PRKN: variants seen among roughly 807,000 people sequenced by gnomAD.
PRKN encodes parkin RBR E3 ubiquitin protein ligase, also known as E3 ubiquitin-protein ligase parkin.
Under a neutral mutation model 59.5 loss-of-function variants are expected in PRKN, and 56 were observed. The observed-to-expected ratio is 0.94, with a 90% CI of 0.76 to 1.18. The LOEUF is 1.18. Ranked by LOEUF, PRKN falls within the 50% of genes most tolerant of loss-of-function variation. The pLI, the probability that PRKN is intolerant of heterozygous loss-of-function variation, is 0.00. For synonymous variants in PRKN, 250 were observed against 222.1 expected, an observed-to-expected ratio of 1.13 and a Z score of -1.12; for missense variants, 657 against 596.4, an observed-to-expected ratio of 1.10 and a Z score of -1.06.
rs897082302 is a variant in PRKN at position 161,526,086 on chromosome 6, A to G, written c.1083+22768T>C. Among the ~76,000 whole-genome samples the G allele has an allele frequency of 6.6e-6, 1 of 152,210 alleles. No homozygotes were observed. The highest frequency in any genetic ancestry group is 1.5e-5 in the Non-Finnish European group (1 of 68,044). On this transcript the variant is annotated intron_variant, in intron 9 of 11. Transcript: ENST00000366898. This position sits in a 1 kb window ranked among gnomAD's most constrained non-coding sequence, Gnocchi z 4.1. ...AATACAATTAAATGATCACTCACAT[A>G]TAATAGTGGGCTGATAAACCAGCTC...
chr6:161,665,810 C>T (rs945053317), intron 7 of PRKN, among the ~76,000 whole-genome samples: 4 of 152,298 alleles, frequency 2.6e-5, no homozygotes, highest in East Asian at 3.9e-4. Flanking sequence ...TTGTGTGAAA[C>T]GCTGAACTGA....
chr6:161,515,377 A>C (rs1385962676), intron 9 of PRKN, among the ~76,000 whole-genome samples: 1 of 152,204 alleles, frequency 6.6e-6, no homozygotes, highest in African/African-American at 2.4e-5. Flanking sequence ...CCATGTACAT[A>C]TATTTTTGTA....
At chr6:161,426,676 C>CACACACACACACACACACAT (rs11271613) in intron 9 of PRKN, among the ~76,000 whole-genome samples, 18,155 of 142,558 alleles carry the variant, frequency 0.13, 1,500 homozygotes, top group Non-Finnish European at 0.16. Context: ...CACACACACA[C>CACACACACACACACACACAT]CTCCTATTAG....
intron 7 of PRKN, among the ~76,000 whole-genome samples, chr6:161,674,983 G>A (rs1378380242): frequency 2.0e-5 from 3 of 152,172 alleles, no homozygotes; most frequent in East Asian, 3.9e-4. Context: ...TTAGCTCTGG[G>A]TGTCATACAC....
At chr6:161,350,641 TA>T (rs1447431935) in intron 11 of PRKN, among the ~76,000 whole-genome samples, 1 of 110,162 alleles carries the variant, frequency 9.1e-6, no homozygotes, top group African/African-American at 3.7e-5. Context: ...TATTTATATT[TA>T]AAATATATAT....
At chr6:162,613,547 A>G (rs973535174) in intron 1 of PRKN, among the ~76,000 whole-genome samples, 2 of 152,236 alleles carry the variant, frequency 1.3e-5, no homozygotes, top group Non-Finnish European at 2.9e-5. Flanking sequence ...TAACCAAGAC[A>G]GCTGAACTCT....
chr6:162,650,281 C>A (rs947353410), intron 1 of PRKN, among the ~76,000 whole-genome samples: 1 of 152,164 alleles, frequency 6.6e-6, no homozygotes, highest in East Asian at 1.9e-4. Context: ...ACACCCTCCA[C>A]AATGCTTTTG....
chr6:162,642,357 G>T (rs889432154), intron 1 of PRKN, among the ~76,000 whole-genome samples: 3 of 152,094 alleles, frequency 2.0e-5, no homozygotes, highest in African/African-American at 7.2e-5. Flanking sequence ...CTTAATGTTA[G>T]TTCTTATAAT....
At chr6:162,009,580 C>T (rs768713612) in intron 5 of PRKN, among the ~76,000 whole-genome samples, 7 of 151,690 alleles carry the variant, frequency 4.6e-5, no homozygotes, top group Non-Finnish European at 1.0e-4. Context: ...TTTTTGTAAC[C>T]TTTGCACACT....
intron 1 of PRKN, among the ~76,000 whole-genome samples, chr6:162,453,941 G>A (rs930374172): frequency 6.6e-6 from 1 of 152,004 alleles, no homozygotes; most frequent in Non-Finnish European, 1.5e-5. Flanking sequence ...TAATAATAAG[G>A]GCAAAACTCT....
At chr6:162,183,741 A>T (rs1392992714) in intron 4 of PRKN, among the ~76,000 whole-genome samples, 10 of 152,284 alleles carry the variant, frequency 6.6e-5, no homozygotes, top group African/African-American at 2.4e-4. Flanking sequence ...TGGGCTCAAT[A>T]GCCATAAAAC....
intron 1 of PRKN, among the ~76,000 whole-genome samples, chr6:162,466,451 T>G (rs997327843): frequency 6.6e-6 from 1 of 152,186 alleles, no homozygotes; most frequent in African/African-American, 2.4e-5. Context: ...CAGGCTGAAG[T>G]GCAGTGTTGC....
intron 4 of PRKN, among the ~76,000 whole-genome samples, chr6:162,129,153 G>A (rs776766990): frequency 8.5e-5 from 13 of 152,144 alleles, no homozygotes; most frequent in Non-Finnish European, 1.9e-4. Flanking sequence ...AAAAATTCCT[G>A]ATCAGATTTT....
chr6:161,869,779 T>C (rs370443335), intron 6 of PRKN, among the ~76,000 whole-genome samples: 2 of 152,140 alleles, frequency 1.3e-5, no homozygotes, highest in African/African-American at 4.8e-5. Context: ...CATTGTCTTC[T>C]TCCCAGGGCA....
chr6:161,789,319 T>C (rs149443663), intron 6 of PRKN, among the ~76,000 whole-genome samples: 1 of 152,298 alleles, frequency 6.6e-6, no homozygotes, highest in East Asian at 1.9e-4. Context: ...TGCTAGGAAC[T>C]TCGCAGACTT....
intron 2 of PRKN, among the ~76,000 whole-genome samples, chr6:162,395,543 C>A (rs1253201476): frequency 1.3e-5 from 2 of 152,172 alleles, no homozygotes; most frequent in African/African-American, 4.8e-5. Flanking sequence ...AATCAAGAAT[C>A]GCCCAGCAGT....
At chr6:161,882,074 A>T (rs1466814064) in intron 6 of PRKN, among the ~76,000 whole-genome samples, 1 of 152,136 alleles carries the variant, frequency 6.6e-6, no homozygotes, top group Non-Finnish European at 1.5e-5. Flanking sequence ...CTTGGTAATC[A>T]CCTCAATTCT....
chr6:162,604,289 G>A (rs992087471), intron 1 of PRKN, among the ~76,000 whole-genome samples: 1 of 152,160 alleles, frequency 6.6e-6, no homozygotes, highest in African/African-American at 2.4e-5. Flanking sequence ...TGATCCCCTT[G>A]GGTATTCTCT....
chr6:161,904,316 T>G (rs1778052723), intron 6 of PRKN, among the ~76,000 whole-genome samples: 1 of 136,360 alleles, frequency 7.3e-6, no homozygotes, highest in South Asian at 2.6e-4. Flanking sequence ...GGGGTTTTTT[T>G]TTTTTTTTTT....
Sources: allele counts gnomAD v4.1 joint callset (sites outside exome capture counted in the v4.1 genomes callset), GRCh38; gene constraint gnomAD v4.1.1; non-coding constraint Gnocchi (gnomAD v3.1); transcripts MANE v1.5; gene names NCBI Gene and HGNC (gene_info 2026-07-23, HGNC 2026-07-21).